MACROD2: variants seen among roughly 807,000 people sequenced by gnomAD.
MACROD2 encodes mono-ADP ribosylhydrolase 2, also known as ADP-ribose glycohydrolase MACROD2.
Under a neutral mutation model 70.4 loss-of-function variants are expected in MACROD2, and 36 were observed. The ratio of observed to expected loss-of-function variants is 0.51; its 90% CI spans 0.39 to 0.68. The LOEUF is 0.68. MACROD2 is among the 30% of genes least tolerant of loss of function. The pLI, the probability that MACROD2 is intolerant of heterozygous loss-of-function variation, is 0.00. For synonymous variants in MACROD2, 172 were observed against 178.8 expected, an observed-to-expected ratio of 0.96 and a Z score of 0.30; for missense variants, 496 against 538.4, an observed-to-expected ratio of 0.92 and a Z score of 0.78.
chr20:15,598,453 C>A (rs1250439129), intron 8 of MACROD2, among the ~76,000 whole-genome samples: 3 of 152,112 alleles, frequency 2.0e-5, no homozygotes, highest in African/African-American at 7.2e-5. Context: ...AGGTGTAATA[C>A]CCTCAGATGC....
intron 5 of MACROD2, among the ~76,000 whole-genome samples, chr20:14,854,648 C>T (rs11905039): frequency 0.13 from 19,921 of 152,152 alleles, 1,401 homozygotes; most frequent in Middle Eastern, 0.25. Context: ...CAAAAGTAAA[C>T]ATCTGTATCC....
At chr20:15,259,394 C>G (rs1482440005) in intron 6 of MACROD2, among the ~76,000 whole-genome samples, 1 of 151,820 alleles carries the variant, frequency 6.6e-6, no homozygotes, top group Non-Finnish European at 1.5e-5. Flanking sequence ...ACAGGTAAAT[C>G]CCAAGAACCA....
intron 2 of MACROD2, among the ~76,000 whole-genome samples, chr20:14,040,222 A>G (rs1157818707): frequency 6.6e-6 from 1 of 152,186 alleles, no homozygotes; most frequent in African/African-American, 2.4e-5. Context: ...TCACACACCT[A>G]GGCTATATGG....
At chr20:14,484,963 G>C (rs1836115271) in intron 3 of MACROD2, among the ~76,000 whole-genome samples, 1 of 152,100 alleles carries the variant, frequency 6.6e-6, no homozygotes, top group African/African-American at 2.4e-5. Flanking sequence ...CTAGGGGTGT[G>C]ATTGCTATCT....
chr20:15,005,875 C>G (rs1370016680), intron 5 of MACROD2, among the ~76,000 whole-genome samples: 1 of 152,018 alleles, frequency 6.6e-6, no homozygotes, highest in Non-Finnish European at 1.5e-5. Flanking sequence ...TACTAACTAT[C>G]CTTGAATAAT....
At chr20:14,436,132 C>T (rs2084053639) in intron 3 of MACROD2, among the ~76,000 whole-genome samples, 1 of 151,990 alleles carries the variant, frequency 6.6e-6, no homozygotes, top group Non-Finnish European at 1.5e-5. Context: ...GATGTTTCAC[C>T]CACGTGCTAA....
intron 8 of MACROD2, among the ~76,000 whole-genome samples, chr20:15,542,304 G>T (rs2146569484): frequency 6.6e-6 from 1 of 152,268 alleles, no homozygotes; most frequent in South Asian, 2.1e-4. Context: ...TAGGGTTATT[G>T]TGAGCACAAT....
chr20:15,978,142 G>T (rs567428763), intron 13 of MACROD2, among the ~76,000 whole-genome samples: 59 of 152,270 alleles, frequency 3.9e-4, no homozygotes, highest in Non-Finnish European at 6.3e-4. Context: ...CTGTGATGAG[G>T]CCTGAAATTC....
At chr20:15,626,956 TGA>T (rs762846817) in intron 8 of MACROD2, among the ~76,000 whole-genome samples, 1 of 151,814 alleles carries the variant, frequency 6.6e-6, no homozygotes, top group African/African-American at 2.4e-5. Flanking sequence ...TTCTAAAGCA[TGA>T]GAGAGAGTCA....
At chr20:15,859,236 G>A (rs770824429) in intron 8 of MACROD2, among the ~76,000 whole-genome samples, 13 of 152,050 alleles carry the variant, frequency 8.5e-5, no homozygotes, top group Non-Finnish European at 1.8e-4. Flanking sequence ...AGGGGGGTAG[G>A]TATACTTTCT....
intron 10 of MACROD2, among the ~76,000 whole-genome samples, chr20:15,932,010 G>A (rs1346716017): frequency 1.3e-5 from 2 of 152,164 alleles, no homozygotes; most frequent in Non-Finnish European, 2.9e-5. Flanking sequence ...AAGCACTCAA[G>A]CAAGACAACG....
In MACROD2 at chr20:14,242,256, T is replaced by C. The variant is rs570286799; in HGVS notation, c.271+156528T>C. Among the ~76,000 whole-genome samples the C allele has an allele frequency of 3.9e-5, 6 of 152,296 alleles. No homozygotes were observed. In the East Asian group the frequency reaches 9.6e-4, roughly 24 times the overall value. On this transcript the variant is annotated intron_variant, in intron 3 of 17. Transcript: ENST00000684519. ...TTTTTTGTTTTTATATTCAGTACTT[T>C]GAAAAATCACAGACTTCACGTTAAC...
intron 5 of MACROD2, among the ~76,000 whole-genome samples, chr20:14,950,482 A>G (rs1030151839): frequency 2.0e-5 from 3 of 152,276 alleles, no homozygotes; most frequent in African/African-American, 7.2e-5. Context: ...ATTCTAGAAT[A>G]TTTTATCAAA....
chr20:14,964,865 C>A (rs2074618012), intron 5 of MACROD2, among the ~76,000 whole-genome samples: 1 of 152,162 alleles, frequency 6.6e-6, no homozygotes. Flanking sequence ...ATGCCCTCTG[C>A]ACCCTCAAGT....
chr20:15,015,568 C>G (rs1424399970), intron 5 of MACROD2, among the ~76,000 whole-genome samples: 1 of 151,746 alleles, frequency 6.6e-6, no homozygotes, highest in African/African-American at 2.4e-5. Flanking sequence ...ATGTTCCATA[C>G]ACTCTAATTG....
At chr20:15,063,464 G>T (rs2075549450) in intron 5 of MACROD2, among the ~76,000 whole-genome samples, 1 of 152,190 alleles carries the variant, frequency 6.6e-6, no homozygotes, top group Non-Finnish European at 1.5e-5. Flanking sequence ...GCCTATCATG[G>T]AATTTAACAT....
At chr20:15,457,463 T>C (rs2146405989) in intron 7 of MACROD2, among the ~76,000 whole-genome samples, 1 of 152,166 alleles carries the variant, frequency 6.6e-6, no homozygotes, top group Non-Finnish European at 1.5e-5. Flanking sequence ...AGTTACAGAG[T>C]AACTGAAATA....
chr20:14,726,579 G>A (rs2071532642), intron 5 of MACROD2, among the ~76,000 whole-genome samples: 1 of 152,292 alleles, frequency 6.6e-6, no homozygotes, highest in East Asian at 1.9e-4. Flanking sequence ...GTTTCCTAGT[G>A]CTTATAATAT....
At chr20:14,057,251 A>G (rs2053641074) in intron 2 of MACROD2, among the ~76,000 whole-genome samples, 1 of 152,210 alleles carries the variant, frequency 6.6e-6, no homozygotes, top group South Asian at 2.1e-4. Context: ...CACAACTCAC[A>G]GGTATAAAAG....
Sources: gnomAD v4.1 joint callset for allele counts (sites outside exome capture counted in the v4.1 genomes callset) on GRCh38, gnomAD v4.1.1 for gene constraint, MANE v1.5 for transcripts, NCBI Gene and HGNC (gene_info 2026-07-23, HGNC 2026-07-21) for gene names.